SYT9: variants seen among roughly 807,000 people sequenced by gnomAD.
SYT9 encodes the protein synaptotagmin-9.
A neutral mutation model predicts 48.4 loss-of-function variants in SYT9; 22 were observed. The observed-to-expected ratio is 0.45, with a 90% confidence interval of 0.32 to 0.65. SYT9 has a LOEUF of 0.65. SYT9 is among the 30% of genes least tolerant of loss of function. SYT9 has a pLI of 0.03. For missense variants in SYT9, 577 were observed against 622.0 expected (o/e 0.93, Z 0.77); for synonymous variants, 265 against 245.0 (o/e 1.08, Z -0.76).
intron 6 of SYT9, among the ~76,000 whole-genome samples, chr11:7,450,211 A>G (rs1305804501): frequency 6.6e-6 from 1 of 152,216 alleles, no homozygotes; most frequent in Non-Finnish European, 1.5e-5. Flanking sequence ...TGGCCGAGCT[A>G]TCAGATTAAG....
chr11:7,245,966 G>T (rs1847786485), intron 1 of SYT9, among the ~76,000 whole-genome samples: 1 of 152,186 alleles, frequency 6.6e-6, no homozygotes, highest in African/African-American at 2.4e-5. Context: ...TTTCAGAAAA[G>T]AAGGCAAGTG....
At chr11:7,392,582 G>GTT (rs147959137) in intron 3 of SYT9, among the ~76,000 whole-genome samples, 26 of 151,628 alleles carry the variant, frequency 1.7e-4, no homozygotes, top group South Asian at 4.2e-4. Flanking sequence ...TATTCAGGCT[G>GTT]TTTTTTTTAT....
Position 7,432,576 on chromosome 11 carries a change from AAAAAAAATATATATAC to A in SYT9, c.1467+11943_1467+11958del, listed in dbSNP as rs1564901994. On this transcript the variant is annotated intron_variant, in intron 6 of 6. Transcript: ENST00000318881. ...AAAAAAAAAAAAAAAAAAAAAAAAA[AAAAAAAATATATATAC>A]ATATATATATATATATATATATATA... Among the ~76,000 whole-genome samples, 82 of 11,938 alleles carry A rather than the reference AAAAAAAATATATATAC, an allele frequency of 6.9e-3. 1 individual carries two copies. The highest frequency in any genetic ancestry group is 7.4e-3 in the Non-Finnish European group (54 of 7,312). 7.8% of individuals were successfully genotyped at this position (11,938 alleles called of 152,430 possible).
chr11:7,380,969 T>G (rs1046951400), intron 3 of SYT9, among the ~76,000 whole-genome samples: 1 of 152,214 alleles, frequency 6.6e-6, no homozygotes, highest in Non-Finnish European at 1.5e-5. Flanking sequence ...TGTACTCCAG[T>G]GTACTTATTA....
At chr11:7,349,881 T>C (rs1365504617) in intron 3 of SYT9, among the ~76,000 whole-genome samples, 2 of 152,228 alleles carry the variant, frequency 1.3e-5, no homozygotes, top group African/African-American at 2.4e-5. Context: ...CTTCAAAATA[T>C]CCATCTTGGT....
chr11:7,295,166 G>A (rs1360630192), intron 1 of SYT9, among the ~76,000 whole-genome samples: 1 of 152,122 alleles, frequency 6.6e-6, no homozygotes, highest in Non-Finnish European at 1.5e-5. Context: ...ATTCTGTTTT[G>A]CTTAACAATT....
At chr11:7,419,879 G>A (rs1330146470) in intron 5 of SYT9, among the ~76,000 whole-genome samples, 5 of 152,154 alleles carry the variant, frequency 3.3e-5, no homozygotes, top group African/African-American at 1.2e-4. Context: ...GTGGGTGACA[G>A]AGTGAGACTC....
intron 3 of SYT9, among the ~76,000 whole-genome samples, chr11:7,315,258 C>T (rs1003273857): frequency 6.6e-6 from 1 of 152,142 alleles, no homozygotes; most frequent in Non-Finnish European, 1.5e-5. Flanking sequence ...ACACATAAAC[C>T]CAACAATGGA....
intron 3 of SYT9, among the ~76,000 whole-genome samples, chr11:7,353,102 C>T (rs955308136): frequency 5.3e-5 from 8 of 152,266 alleles, no homozygotes; most frequent in Non-Finnish European, 1.0e-4. Flanking sequence ...TTCAAATTCA[C>T]CCTTCATTTT....
At chr11:7,407,632 G>A (rs1358837555) in intron 3 of SYT9, among the ~76,000 whole-genome samples, 4 of 51,788 alleles carry the variant, frequency 7.7e-5, no homozygotes, top group African/African-American at 3.0e-4. Flanking sequence ...CACCCGCCTC[G>A]GCCTCCCAAA....
At chr11:7,270,817 G>A (rs1163107674) in intron 1 of SYT9, among the ~76,000 whole-genome samples, 1 of 136,270 alleles carries the variant, frequency 7.3e-6, no homozygotes, top group African/African-American at 2.8e-5. Flanking sequence ...TTGATGTTTA[G>A]ATGCACAAGA....
chr11:7,276,777 G>T (rs1172991834), intron 1 of SYT9, among the ~76,000 whole-genome samples: 1 of 152,154 alleles, frequency 6.6e-6, no homozygotes, highest in Non-Finnish European at 1.5e-5. Flanking sequence ...GCCAGGCACA[G>T]TGGCACATGC....
intron 1 of SYT9, among the ~76,000 whole-genome samples, chr11:7,274,929 A>G (rs376523592): frequency 1.1e-4 from 16 of 152,086 alleles, no homozygotes; most frequent in South Asian, 1.0e-3. Context: ...TTTGGTTACA[A>G]TGTTTTCCAT....
At chr11:7,387,272 C>A (rs4631859) in intron 3 of SYT9, among the ~76,000 whole-genome samples, 131,336 of 151,978 alleles carry the variant, frequency 0.86, 57,197 homozygotes, top group Non-Finnish European at 0.93. Flanking sequence ...ACTAACCTGC[C>A]CATTGTGCAC....
chr11:7,414,612 C>G (rs959515931), intron 3 of SYT9, among the ~76,000 whole-genome samples: 8 of 152,192 alleles, frequency 5.3e-5, no homozygotes, highest in African/African-American at 1.7e-4. Context: ...ACATGGGTCC[C>G]TTGAGGTCAT....
At chr11:7,400,290 C>T (rs941391775) in intron 3 of SYT9, among the ~76,000 whole-genome samples, 5 of 152,156 alleles carry the variant, frequency 3.3e-5, no homozygotes, top group Non-Finnish European at 5.9e-5. Context: ...TAACTATGTC[C>T]ACTCATCATG....
At chr11:7,301,909 G>C (rs1351481619) in intron 1 of SYT9, among the ~76,000 whole-genome samples, 1 of 152,194 alleles carries the variant, frequency 6.6e-6, no homozygotes, top group Non-Finnish European at 1.5e-5. Context: ...AGCCTGGAGG[G>C]GGTGAAATGT....
chr11:7,272,117 G>T (rs1848308332), intron 1 of SYT9, among the ~76,000 whole-genome samples: 1 of 152,080 alleles, frequency 6.6e-6, no homozygotes, highest in South Asian at 2.1e-4. Context: ...TGTATAATCT[G>T]GGGAGAATTA....
At chr11:7,412,645 G>A (rs941757540) in intron 3 of SYT9, among the ~76,000 whole-genome samples, 1 of 152,170 alleles carries the variant, frequency 6.6e-6, no homozygotes, top group African/African-American at 2.4e-5. Flanking sequence ...GCCAATTACT[G>A]GGCTTCCAGG....
Sources: allele counts gnomAD v4.1 joint callset (sites outside exome capture counted in the v4.1 genomes callset), GRCh38; gene constraint gnomAD v4.1.1; transcripts MANE v1.5; gene names NCBI Gene and HGNC (gene_info 2026-07-23, HGNC 2026-07-21).